DLC1: variants seen among roughly 807,000 people sequenced by gnomAD.
DLC1 encodes rho GTPase-activating protein 7.
DLC1 carries 54 observed loss-of-function variants against 140.3 expected under a neutral mutation model. The observed-to-expected ratio is 0.38, with a 90% confidence interval of 0.31 to 0.48. The LOEUF is 0.48. Ranked by LOEUF, DLC1 falls within the 20% of genes least tolerant of loss-of-function variation. The probability of loss-of-function intolerance (pLI) is 0.96; values close to 1 mark genes in which losing one functional copy is unlikely to be tolerated. For missense variants in DLC1, 2,536 were observed against 1,907.0 expected (o/e 1.33, Z -6.14); for synonymous variants, 986 against 728.1 (o/e 1.35, Z -5.70).
At chr8:13,256,066 A>G (rs977893481) in intron 5 of DLC1, among the ~76,000 whole-genome samples, 1 of 152,208 alleles carries the variant, frequency 6.6e-6, no homozygotes, top group Non-Finnish European at 1.5e-5. Flanking sequence ...GATGTAGATT[A>G]TTACTGAATT....
chr8:13,142,112 C>T (rs76483923), intron 5 of DLC1, among the ~76,000 whole-genome samples: 2,580 of 152,292 alleles, frequency 0.017, 62 homozygotes, highest in African/African-American at 0.058. Flanking sequence ...CTCCTGCCGC[C>T]TTGTGAAGAA....
At chr8:13,349,582 C>T (rs557878778) in intron 4 of DLC1, among the ~76,000 whole-genome samples, 101 of 152,190 alleles carry the variant, frequency 6.6e-4, no homozygotes, top group Non-Finnish European at 1.2e-3. Context: ...CTTCCAGCCC[C>T]ACTTCAACAC....
At chr8:13,174,250 T>A (rs1825643614) in intron 5 of DLC1, among the ~76,000 whole-genome samples, 1 of 152,228 alleles carries the variant, frequency 6.6e-6, no homozygotes, top group Non-Finnish European at 1.5e-5. Context: ...CACATTTTCT[T>A]TATCCAACCC....
intron 4 of DLC1, among the ~76,000 whole-genome samples, chr8:13,371,362 T>A (rs961046685): frequency 6.6e-6 from 1 of 152,186 alleles, no homozygotes; most frequent in Non-Finnish European, 1.5e-5. Flanking sequence ...AATGCACATA[T>A]GTTTTTCTCT....
chr8:13,349,190 G>C (rs981145782), intron 4 of DLC1, among the ~76,000 whole-genome samples: 4 of 152,058 alleles, frequency 2.6e-5, no homozygotes, highest in Admixed American at 1.3e-4. Context: ...GGAAATATCA[G>C]TGCAATACCA....
chr8:13,104,350 C>CAAA (rs71304974), intron 7 of DLC1, among the ~76,000 whole-genome samples: 43,930 of 118,572 alleles, frequency 0.37, 8,236 homozygotes, highest in Middle Eastern at 0.48. Flanking sequence ...AAAATACTTA[C>CAAA]AAAAAAAAAA....
At chr8:13,453,387 G>GTGTGTATAT (rs1799160543) in intron 2 of DLC1, among the ~76,000 whole-genome samples, 1 of 52,454 alleles carries the variant, frequency 1.9e-5, no homozygotes, top group Non-Finnish European at 3.4e-5. Context: ...GATGGCCCAG[G>GTGTGTATAT]ATATATATAT....
Position 13,085,921 on chromosome 8 carries a change from G to T in DLC1, c.4477C>A (p.Pro1493Thr). The T allele has an allele frequency of 6.2e-7, 1 of 1,614,002 alleles. No individual in the cohort carries two copies. The highest frequency in any genetic ancestry group is 2.2e-5 in the East Asian group (1 of 44,876). Residue 1493 changes from proline to threonine, a missense_variant, in exon 18 of 18, where the codon CCA (proline) becomes ACA (threonine). Pro to Thr is a conservative substitution (Grantham distance 38). Coordinates refer to ENST00000276297, the MANE Select transcript of DLC1 (RefSeq NM_182643.3). ...CCAAAAGATTTTGTGTACCATTCTG[G>T]CATGTGGCCCCTATCAGAGAAAAGA... is the stretch of plus-strand genomic sequence containing the variant. ...MCRVDLRGHM[P>T]EWYTKSFGHL...
At chr8:13,277,768 A>C (rs1450401393) in intron 5 of DLC1, among the ~76,000 whole-genome samples, 10 of 152,334 alleles carry the variant, frequency 6.6e-5, no homozygotes. Context: ...GGCATAAGAC[A>C]TCTAAAGGCC....
chr8:13,102,530 G>A (rs1412879676), intron 8 of DLC1, among the ~76,000 whole-genome samples: 2 of 152,078 alleles, frequency 1.3e-5, no homozygotes, highest in Non-Finnish European at 2.9e-5. Context: ...TATGTAATAG[G>A]CATTGAGTTA....
chr8:13,468,180 G>C (rs2117055002), intron 2 of DLC1, among the ~76,000 whole-genome samples: 1 of 152,182 alleles, frequency 6.6e-6, no homozygotes, highest in South Asian at 2.1e-4. Flanking sequence ...ATTCCATTTA[G>C]CTAAGTAATA....
intron 5 of DLC1, among the ~76,000 whole-genome samples, chr8:13,130,274 C>G (rs1356086638): frequency 1.3e-5 from 2 of 152,246 alleles, no homozygotes; most frequent in African/African-American, 4.8e-5. Flanking sequence ...GAAGGCATCT[C>G]AACTGTGGCC....
chr8:13,296,328 T>C (rs942244613), intron 5 of DLC1, among the ~76,000 whole-genome samples: 9 of 152,054 alleles, frequency 5.9e-5, no homozygotes, highest in African/African-American at 1.7e-4. Context: ...CTTTCATAAA[T>C]TGTCTTTCTT....
intron 7 of DLC1, among the ~76,000 whole-genome samples, chr8:13,109,204 C>G (rs1819850479): frequency 2.6e-5 from 4 of 152,034 alleles, no homozygotes; most frequent in Non-Finnish European, 5.9e-5. Flanking sequence ...CTTTCCTTGC[C>G]TACAAAGAGG....
chr8:13,540,528 A>G (rs1326836790), intron 1 of DLC1, among the ~76,000 whole-genome samples: 1 of 152,318 alleles, frequency 6.6e-6, no homozygotes, highest in East Asian at 1.9e-4. Context: ...TGAATAAACC[A>G]GACAAGTGCC....
At chr8:13,204,706 CAT>C (rs1165347750) in intron 5 of DLC1, among the ~76,000 whole-genome samples, 3 of 152,058 alleles carry the variant, frequency 2.0e-5, no homozygotes, top group Admixed American at 6.6e-5. Flanking sequence ...GATCTGAAAA[CAT>C]AACATCTTTT....
At position 13,293,899 on chromosome 8, in the gene DLC1, A is replaced by G. The variant is rs144517295; in HGVS notation, c.1348+11370T>C. Among the ~76,000 whole-genome samples the G allele has an allele frequency of 3.1e-3, 469 of 152,328 alleles. 4 individuals carry two copies. The highest frequency in any genetic ancestry group is 0.011 in the African/African-American group (459 of 41,578). On this transcript the variant is annotated intron_variant, in intron 5 of 17. Transcript: ENST00000276297. ...AGTAGATTTGTCTCATCTAATTAGC[A>G]ATAGTAAAAATACCAACGGAATTAG...
intron 2 of DLC1, among the ~76,000 whole-genome samples, chr8:13,428,652 G>T (rs537431817): frequency 1.3e-5 from 2 of 151,930 alleles, no homozygotes; most frequent in Non-Finnish European, 2.9e-5. Flanking sequence ...GATATGCCTC[G>T]GGAGATTGTA....
intron 1 of DLC1, among the ~76,000 whole-genome samples, chr8:13,580,282 G>C (rs372940292): frequency 2.6e-5 from 4 of 151,768 alleles, no homozygotes; most frequent in Admixed American, 2.0e-4. Context: ...GCCACCACGC[G>C]CGGCTAATTT....
Sources: gnomAD v4.1 joint callset for allele counts (sites outside exome capture counted in the v4.1 genomes callset) on GRCh38, gnomAD v4.1.1 for gene constraint, MANE v1.5 for transcripts, NCBI Gene and HGNC (gene_info 2026-07-23, HGNC 2026-07-21) for gene names.